Variants in TEX10 observed in about 807,000 individuals in gnomAD.
TEX10 encodes the protein testis-expressed protein 10.
In TEX10, 24 loss-of-function variants were observed where a neutral mutation model predicts 104.4. The ratio of observed to expected loss-of-function variants is 0.23; its 90% CI spans 0.17 to 0.32. TEX10 has a LOEUF of 0.32. TEX10 is among the 10% of genes least tolerant of loss of function. The probability of loss-of-function intolerance (pLI) is 1.00; values close to 1 mark genes in which losing one functional copy is unlikely to be tolerated. For missense variants in TEX10, 921 were observed against 1,083.9 expected, an observed-to-expected ratio of 0.85 and a Z score of 2.11; for synonymous variants, 396 against 393.4, an observed-to-expected ratio of 1.01 and a Z score of -0.08.
At chr9:100,335,596 G>T (rs1319975262) in intron 5 of TEX10, among the ~76,000 whole-genome samples, 2 of 151,932 alleles carry the variant, frequency 1.3e-5, no homozygotes, top group Non-Finnish European at 2.9e-5. Context: ...GTGAGTGTAT[G>T]GTGGTAAAGA....
Position 100,347,347 on chromosome 9 carries a change from T to G in TEX10, c.240A>C (p.Gly80=). The G allele has an allele frequency of 6.2e-7, 1 of 1,612,936 alleles. No homozygotes were observed. The highest frequency in any genetic ancestry group is 8.5e-7 in the Non-Finnish European group (1 of 1,179,464). The change falls in exon 3 of 15, where the codon GGA becomes GGC. Residue 80 remains glycine, a synonymous_variant. Coordinates refer to ENST00000374902, the MANE Select transcript of TEX10 (RefSeq NM_017746.4). The part of the protein sequence containing the change: ...NAGVKQSALL[G]LKDLLSQYPF... ...GGTATTGAGACAAAAGGTCTTTAAG[T>G]CCAAGAAGAGCACTTTGTTTAACCC...
chr9:100,316,455 G>T (rs1834420011), intron 11 of TEX10, among the ~76,000 whole-genome samples: 1 of 152,102 alleles, frequency 6.6e-6, no homozygotes, highest in African/African-American at 2.4e-5. Context: ...AAGATTTCTT[G>T]TAAGAAATGG....
chr9:100,315,135 G>C (rs540881165), intron 11 of TEX10, among the ~76,000 whole-genome samples: 2 of 152,062 alleles, frequency 1.3e-5, no homozygotes, highest in African/African-American at 4.8e-5. Context: ...GTATGATTTT[G>C]ATTTTTTAAA....
At chr9:100,352,735 C>T in intron 1 of TEX10, 37 bp downstream of exon 1, 1 of 1,191,104 alleles carries the variant, frequency 8.4e-7, no homozygotes, top group Non-Finnish European at 1.0e-6. Flanking sequence ...GTCCCGCGCC[C>T]CGGGAGGACC....
At chr9:100,329,388 T>C in intron 6 of TEX10, 113 bp from the exon 7 acceptor site, 1 of 1,222,604 alleles carries the variant, frequency 8.2e-7, no homozygotes, top group Non-Finnish European at 1.1e-6. Context: ...AAGCCAATTT[T>C]AGCCACAAAT....
intron 5 of TEX10, among the ~76,000 whole-genome samples, chr9:100,336,197 A>C (rs1315341666): frequency 6.6e-6 from 1 of 152,152 alleles, no homozygotes; most frequent in African/African-American, 2.4e-5. Context: ...TAAACAAAAA[A>C]TAAAAATACA....
At chr9:100,349,069 A>G in intron 2 of TEX10, 115 bp downstream of exon 2, 1 of 829,042 alleles carries the variant, frequency 1.2e-6, no homozygotes, top group Non-Finnish European at 1.7e-6. Flanking sequence ...AATAAACCCT[A>G]AGACCCTAGG....
At chr9:100,351,390 AGCT>A (rs1835441788) in intron 1 of TEX10, among the ~76,000 whole-genome samples, 1 of 61,552 alleles carries the variant, frequency 1.6e-5, no homozygotes, top group Admixed American at 1.5e-4. Flanking sequence ...CAAAAAAAAA[AGCT>A]GGGGGTCGGT....
In TEX10 at chr9:100,329,291, A is replaced by G. The variant is rs574212798; in HGVS notation, c.1490-16T>C. ...TCTGTGTCCTCTACAAACAGAAAGA[A>G]AACAACTTGCATATGAATCAAAAAA... On this transcript the variant is annotated splice_polypyrimidine_tract_variant and intron_variant, in intron 6 of 14. Transcript: ENST00000374902. The G allele has an allele frequency of 1.3e-5, 20 of 1,587,074 alleles. No homozygotes were observed. In the Admixed American group the frequency reaches 3.8e-4, roughly 30 times the overall value.
At chr9:100,302,380 AAC>A (rs1834010834) in intron 14 of TEX10, 76 bp from the exon 15 acceptor site, 2 of 1,008,718 alleles carry the variant, frequency 2.0e-6, no homozygotes, top group African/African-American at 1.6e-5. Flanking sequence ...TTCACACCCA[AAC>A]ACAATTTCCC....
intron 5 of TEX10, among the ~76,000 whole-genome samples, chr9:100,331,204 T>C (rs974446188): frequency 4.6e-5 from 7 of 152,144 alleles, no homozygotes; most frequent in African/African-American, 9.7e-5. Flanking sequence ...GAGTTTGCAG[T>C]GAGCCAAGAT....
chr9:100,318,090 T>G (rs1421985085), intron 11 of TEX10, among the ~76,000 whole-genome samples: 1 of 152,054 alleles, frequency 6.6e-6, no homozygotes, highest in African/African-American at 2.4e-5. Flanking sequence ...GAACTACCAC[T>G]CAATCCAGCA....
At chr9:100,320,692 T>C (rs890889705) in intron 10 of TEX10, among the ~76,000 whole-genome samples, 1 of 152,240 alleles carries the variant, frequency 6.6e-6, no homozygotes, top group Admixed American at 6.5e-5. Context: ...GTGAAAGGCA[T>C]AATCTTTCCA....
At chr9:100,315,486 A>G (rs1223104132) in intron 11 of TEX10, among the ~76,000 whole-genome samples, 2 of 152,016 alleles carry the variant, frequency 1.3e-5, no homozygotes. Context: ...TAGAATTGTT[A>G]TATCCTCTTG....
At chr9:100,326,910 C>T (rs1834719289) in intron 8 of TEX10, among the ~76,000 whole-genome samples, 1 of 151,942 alleles carries the variant, frequency 6.6e-6, no homozygotes, top group African/African-American at 2.4e-5. Context: ...AAACTACAAC[C>T]CACAAAAGGT....
Position 100,329,433 on chromosome 9 carries a change from T to C in TEX10, c.1490-158A>G, listed in dbSNP as rs143152010. The stretch of plus-strand genomic sequence containing the variant: ...CCATTGAAGTCCTATAGCAATAGCC[T>C]AATAAAAAAGTCAAACCAATCAGTA... On this transcript the variant is annotated intron_variant, in intron 6 of 14. Coordinates refer to ENST00000374902, the MANE Select transcript of TEX10 (RefSeq NM_017746.4). Among the ~76,000 whole-genome samples, 7 of 152,270 alleles carry C rather than the reference T, an allele frequency of 4.6e-5. No individual in the cohort carries two copies. In the East Asian group the frequency reaches 1.3e-3, roughly 29 times the overall value.
rs1834154212 is a variant in TEX10 at position 100,306,744 on chromosome 9, C to T, written c.2465+1756G>A. On this transcript the variant is annotated intron_variant, in intron 13 of 14. Transcript: ENST00000374902. Reference sequence around the variant, plus strand: ...TGCCTAATATCCTAGTAATGTTAACCTTTCCAGTACCCAGTATAGAATACC... The same window carrying T: ...TGCCTAATATCCTAGTAATGTTAACTTTTCCAGTACCCAGTATAGAATACC... 3 of 152,144 alleles carry T rather than the reference C, an allele frequency of 2.0e-5. No individual in the cohort carries two copies. In the South Asian group the frequency reaches 6.2e-4, roughly 32 times the overall value. 9.4% of individuals were successfully genotyped at this position (152,144 alleles called of 1,614,324 possible).
intron 11 of TEX10, among the ~76,000 whole-genome samples, chr9:100,312,200 C>T (rs1834299328): frequency 6.6e-6 from 1 of 152,220 alleles, no homozygotes; most frequent in African/African-American, 2.4e-5. Context: ...CACTTCATCA[C>T]TTCCCTTCTG....
At chr9:100,320,163 C>T (rs1834530347) in intron 11 of TEX10, 102 bp downstream of exon 11, 1 of 1,109,704 alleles carries the variant, frequency 9.0e-7, no homozygotes, top group Non-Finnish European at 1.2e-6. Context: ...AAACAAGTAT[C>T]TTTGAAAAGA....
Sources: gnomAD v4.1 joint callset for allele counts (sites outside exome capture counted in the v4.1 genomes callset) on GRCh38, gnomAD v4.1.1 for gene constraint, MANE v1.5 for transcripts, NCBI Gene and HGNC (gene_info 2026-07-23, HGNC 2026-07-21) for gene names.